The following TMEM117 variants were observed in gnomAD, a reference collection of about 807,000 sequenced individuals.
The protein encoded by TMEM117 is transmembrane protein 117.
TMEM117 carries 27 observed loss-of-function variants against 52.4 expected under a neutral mutation model. That is an observed-to-expected ratio of 0.51 (90% CI 0.38 to 0.71). The LOEUF is 0.71. Among genes scored for constraint, TMEM117 ranks in the 30% least tolerant of loss-of-function variants. The pLI is 0.00. For missense variants in TMEM117, 556 were observed against 630.5 expected (o/e 0.88, Z 1.26); for synonymous variants, 215 against 206.3 (o/e 1.04, Z -0.36).
chr12:43,921,879 C>T (rs1429460917), intron 2 of TMEM117, among the ~76,000 whole-genome samples: 2 of 152,038 alleles, frequency 1.3e-5, no homozygotes, highest in Non-Finnish European at 2.9e-5. Context: ...CCACTGACTC[C>T]ATGTTGGTGA....
At chr12:43,964,015 A>T (rs1270922074) in intron 3 of TMEM117, among the ~76,000 whole-genome samples, 1 of 152,180 alleles carries the variant, frequency 6.6e-6, no homozygotes, top group East Asian at 1.9e-4. Flanking sequence ...TGCCTCAGTA[A>T]CAAGCAAATC....
At chr12:43,909,623 A>G (rs1307846968) in intron 2 of TMEM117, among the ~76,000 whole-genome samples, 7 of 151,994 alleles carry the variant, frequency 4.6e-5, no homozygotes, top group Non-Finnish European at 1.0e-4. Context: ...AGAAAAAAAG[A>G]AGAATCAAAT....
At chr12:44,317,300 G>GTT (rs376272878) in intron 6 of TMEM117, among the ~76,000 whole-genome samples, 42 of 125,560 alleles carry the variant, frequency 3.3e-4, no homozygotes, top group Non-Finnish European at 5.3e-4. Context: ...ATATATATAT[G>GTT]TTTTTTTTTT....
chr12:43,981,641 C>G (rs1034844885), intron 3 of TMEM117, among the ~76,000 whole-genome samples: 1 of 152,136 alleles, frequency 6.6e-6, no homozygotes, highest in African/African-American at 2.4e-5. Context: ...ATACCTCTAC[C>G]TAGTCCAAAA....
chr12:44,045,288 A>C (rs536072017), intron 3 of TMEM117, among the ~76,000 whole-genome samples: 2 of 152,180 alleles, frequency 1.3e-5, no homozygotes, highest in Non-Finnish European at 2.9e-5. Flanking sequence ...AGTAGAGACC[A>C]ACACTGAGCC....
chr12:44,386,431 G>A (rs1952089162), intron 7 of TMEM117, among the ~76,000 whole-genome samples: 1 of 152,070 alleles, frequency 6.6e-6, no homozygotes, highest in South Asian at 2.1e-4. Flanking sequence ...AAATCATTCA[G>A]GCAAGAGTTT....
At chr12:44,126,455 A>G (rs1948326396) in intron 3 of TMEM117, among the ~76,000 whole-genome samples, 3 of 152,208 alleles carry the variant, frequency 2.0e-5, no homozygotes, top group Admixed American at 6.5e-5. Context: ...TTCTCTAGAC[A>G]TCTACAGCAT....
intron 3 of TMEM117, among the ~76,000 whole-genome samples, chr12:44,006,047 C>T (rs528737518): frequency 2.6e-5 from 4 of 152,238 alleles, no homozygotes; most frequent in African/African-American, 9.6e-5. Context: ...AGCATGAAAA[C>T]GGACTAATAC....
chr12:44,177,143 G>C (rs1437992559), intron 4 of TMEM117, among the ~76,000 whole-genome samples: 2 of 151,940 alleles, frequency 1.3e-5, no homozygotes, highest in African/African-American at 4.8e-5. Context: ...TTCAATTTAC[G>C]GTGCAGTACC....
intron 5 of TMEM117, among the ~76,000 whole-genome samples, chr12:44,220,706 G>A (rs972335447): frequency 9.2e-5 from 14 of 152,066 alleles, no homozygotes; most frequent in Non-Finnish European, 1.6e-4. Context: ...TGATCCTGCA[G>A]CATCGTGTCA....
At chr12:43,849,688 A>G (rs1369165667) in intron 2 of TMEM117, among the ~76,000 whole-genome samples, 1 of 151,672 alleles carries the variant, frequency 6.6e-6, no homozygotes, top group African/African-American at 2.4e-5. Flanking sequence ...TATTTCTTCT[A>G]TTTGGCAGTT....
chr12:44,139,113 TGA>T lies in TMEM117; in HGVS notation c.411-4405_411-4404del, dbSNP rs376317032. The stretch of plus-strand genomic sequence containing the variant: ...CTTATTTATGTTGTCCAAACATGGC[TGA>T]GAGAGACAGCTGTGACATTATGAAT... On this transcript the variant is annotated intron_variant, in intron 3 of 7. Coordinates refer to ENST00000266534, the MANE Select transcript of TMEM117 (RefSeq NM_032256.3). Among the ~76,000 whole-genome samples, 189 of 152,278 alleles carry T rather than the reference TGA, an allele frequency of 1.2e-3. 1 individual carries two copies. The highest frequency in any genetic ancestry group is 4.1e-3 in the African/African-American group (169 of 41,562).
chr12:44,208,803 C>T (rs1405314162), intron 4 of TMEM117, among the ~76,000 whole-genome samples: 33 of 119,382 alleles, frequency 2.8e-4, no homozygotes, highest in Admixed American at 2.6e-3. Context: ...GTCATTTTTA[C>T]ACAACATGCA....
chr12:43,837,739 C>T (rs531557835), intron 1 of TMEM117, among the ~76,000 whole-genome samples: 19 of 152,270 alleles, frequency 1.2e-4, no homozygotes, highest in African/African-American at 3.1e-4. Flanking sequence ...TAATGTGCTC[C>T]GGCTCATAAA....
At chr12:43,926,965 A>G (rs1039492147) in intron 2 of TMEM117, among the ~76,000 whole-genome samples, 1 of 151,724 alleles carries the variant, frequency 6.6e-6, no homozygotes, top group African/African-American at 2.4e-5. Context: ...TTTGCTTTCT[A>G]TGAGTTTATT....
At position 44,115,376 on chromosome 12, in the gene TMEM117, G is replaced by A. The variant is rs138896082; in HGVS notation, c.411-28149G>A. On this transcript the variant is annotated intron_variant, in intron 3 of 7. Coordinates refer to ENST00000266534, the MANE Select transcript of TMEM117 (RefSeq NM_032256.3). ...TGATGTAAATGTCGACTTAATGGGTGCAGCACACAAACATGGCACATGTAT... is the reference window on the plus strand; with the variant it reads ...TGATGTAAATGTCGACTTAATGGGTACAGCACACAAACATGGCACATGTAT... Among the ~76,000 whole-genome samples, 209 of 152,268 alleles carry A rather than the reference G, an allele frequency of 1.4e-3. 1 individual carries two copies. The highest frequency in any genetic ancestry group is 4.7e-3 in the African/African-American group (194 of 41,546).
the TMEM117 span, among the ~76,000 whole-genome samples, chr12:43,818,089 T>C: frequency 6.6e-6 from 1 of 152,212 alleles, no homozygotes; most frequent in African/African-American, 2.4e-5. Flanking sequence ...TTGTAGAATG[T>C]TAATTTAAGT....
At chr12:44,282,138 G>A (rs981840784) in intron 5 of TMEM117, among the ~76,000 whole-genome samples, 1 of 152,122 alleles carries the variant, frequency 6.6e-6, no homozygotes, top group Admixed American at 6.6e-5. Context: ...TGTAAGAAGT[G>A]CCTTTCGCCT....
At chr12:44,008,055 G>T (rs1946229578) in intron 3 of TMEM117, among the ~76,000 whole-genome samples, 1 of 152,156 alleles carries the variant, frequency 6.6e-6, no homozygotes, top group South Asian at 2.1e-4. Context: ...GCACCAGTTT[G>T]AAAGCCTCCA....
Sources: allele counts gnomAD v4.1 joint callset (sites outside exome capture counted in the v4.1 genomes callset), GRCh38; gene constraint gnomAD v4.1.1; transcripts MANE v1.5; gene names NCBI Gene and HGNC (gene_info 2026-07-23, HGNC 2026-07-21).